LRIG2: variants seen among roughly 807,000 people sequenced by gnomAD.
LRIG2 encodes leucine-rich repeats and immunoglobulin-like domains protein 2.
In LRIG2, 93 loss-of-function variants were observed where a neutral mutation model predicts 107.8. The ratio of observed to expected loss-of-function variants is 0.86; its 90% CI spans 0.73 to 1.03. The LOEUF is 1.03. Ranked by LOEUF, LRIG2 falls within the 50% of genes least tolerant of loss-of-function variation. The pLI, the probability that LRIG2 is intolerant of heterozygous loss-of-function variation, is 0.00. For missense variants in LRIG2, 1,226 were observed against 1,296.0 expected (o/e 0.95, Z 0.83); for synonymous variants, 471 against 470.6 (o/e 1.00, Z -0.01).
intron 1 of LRIG2, among the ~76,000 whole-genome samples, chr1:113,082,856 A>T (rs934779509): frequency 6.6e-6 from 1 of 151,872 alleles, no homozygotes; most frequent in Non-Finnish European, 1.5e-5. Context: ...GGGTTTTGCC[A>T]TGTTGGCCAG....
chr1:113,099,081 C>T (rs1398056418), intron 9 of LRIG2, among the ~76,000 whole-genome samples: 4 of 151,906 alleles, frequency 2.6e-5, no homozygotes, highest in African/African-American at 7.3e-5. Flanking sequence ...GGATTACAAG[C>T]GCATGCCACC....
intron 1 of LRIG2, among the ~76,000 whole-genome samples, chr1:113,087,907 G>A (rs1653630022): frequency 6.6e-6 from 1 of 152,066 alleles, no homozygotes; most frequent in Non-Finnish European, 1.5e-5. Context: ...GTTGCTTTTG[G>A]AAAAAGAAAA....
Position 113,107,460 on chromosome 1 carries a change from A to G in LRIG2, c.1314-134A>G, listed in dbSNP as rs530206025. On this transcript the variant is annotated intron_variant, in intron 11 of 17. Coordinates refer to ENST00000361127, the MANE Select transcript of LRIG2 (RefSeq NM_014813.3). ...TAAAGAATTTTGGCTGACAGTCTCA[A>G]TTTGTTTTCTCATGATTTATGTTAA... 1.9e-5 allele frequency: 15 copies of G among 788,822 alleles called. No individual in the cohort carries two copies. In the East Asian group the frequency reaches 3.0e-4, roughly 16 times the overall value. 48.9% of individuals were successfully genotyped at this position (788,822 alleles called of 1,614,324 possible). A position where few individuals can be genotyped will look rare whatever the true frequency, so the allele number is the denominator to read the frequency against.
Position 113,073,357 on chromosome 1 carries a change from C to A in LRIG2, c.-50C>A, listed in dbSNP as rs373555867. The A allele has an allele frequency of 6.8e-6, 10 of 1,476,784 alleles. No homozygotes were observed. The highest frequency in any genetic ancestry group is 8.5e-6 in the Non-Finnish European group (9 of 1,063,150). 91.5% of individuals were successfully genotyped at this position (1,476,784 alleles called of 1,614,324 possible). ...TCTGCTGAGCTTCTCCGCCGATCCT[C>A]CTTTTCTAGCAGGCAGCTCTTCTAG... is the stretch of plus-strand genomic sequence containing the variant. On this transcript the variant is annotated 5_prime_UTR_variant, in exon 1 of 18. Coordinates refer to ENST00000361127, the MANE Select transcript of LRIG2 (RefSeq NM_014813.3).
intron 17 of LRIG2, among the ~76,000 whole-genome samples, chr1:113,123,290 T>G (rs1260261164): frequency 6.6e-6 from 1 of 152,182 alleles, no homozygotes; most frequent in Non-Finnish European, 1.5e-5. Flanking sequence ...TTAAAAATTT[T>G]GTGGCCGGGC....
chr1:113,114,755 G>T lies in LRIG2; in HGVS notation c.2409G>T (p.Trp803Cys), dbSNP rs1654931718. 6.2e-7 allele frequency: 1 copy of T among 1,614,034 alleles called. No homozygotes were observed. Among genetic ancestry groups the T allele is most frequent in the Non-Finnish European group, 8.5e-7 (1 of 1,180,046 alleles). The change falls in exon 15 of 18, where the codon TGG becomes TGT. Residue 803 changes from tryptophan (W) to cysteine (C), a missense_variant. Physicochemically the swap from Trp to Cys is radical, Grantham distance 215. Transcript: ENST00000361127. ...GCATTGGGCATGAAGATGATGGCTG[G>T]ACCACAGTTGGCATTGTCATCATTG... ...QSSIGHEDDGWTTVGIVIIVV... is the reference protein window; with the variant it reads ...QSSIGHEDDGCTTVGIVIIVV...
intron 1 of LRIG2, among the ~76,000 whole-genome samples, chr1:113,080,085 ATC>A (rs1477479151): frequency 6.8e-6 from 1 of 146,896 alleles, no homozygotes; most frequent in Non-Finnish European, 1.5e-5. Context: ...CAGTGGCACA[ATC>A]TCGGCTCACT....
At chr1:113,091,456 G>A (rs1653822873) in intron 2 of LRIG2, 73 bp downstream of exon 2, 1 of 939,244 alleles carries the variant, frequency 1.1e-6, no homozygotes, top group Non-Finnish European at 1.6e-6. Flanking sequence ...TTTGTGGGAT[G>A]TTTAATCCAG....
At chr1:113,098,092 C>G (rs1401021463) in intron 8 of LRIG2, among the ~76,000 whole-genome samples, 3 of 152,146 alleles carry the variant, frequency 2.0e-5, no homozygotes, top group Admixed American at 2.0e-4. Context: ...TGATGTGGTA[C>G]AATTGCATTT....
chr1:113,078,020 A>G (rs993640136), intron 1 of LRIG2, among the ~76,000 whole-genome samples: 5 of 151,664 alleles, frequency 3.3e-5, no homozygotes, highest in African/African-American at 1.2e-4. Flanking sequence ...TTTGCTGAGA[A>G]TGATGGTTTC....
rs1655462080 is a variant in LRIG2 at position 113,125,706 on chromosome 1, G to A, written c.*1605G>A. Reference sequence around the variant, plus strand: ...CATTCTGTGACTTTGCTCTTGCCATGTTCTGACTGGGGTGAGCCGCTAGGA... The same window carrying A: ...CATTCTGTGACTTTGCTCTTGCCATATTCTGACTGGGGTGAGCCGCTAGGA... On this transcript the variant is annotated 3_prime_UTR_variant, in exon 18 of 18. Coordinates refer to ENST00000361127, the MANE Select transcript of LRIG2 (RefSeq NM_014813.3). 6.6e-6 allele frequency: 1 copy of A among 152,220 alleles called. No homozygotes were observed. Among genetic ancestry groups the A allele is most frequent in the Admixed American group, 6.5e-5 (1 of 15,282 alleles). The allele number at this position is 152,220 out of a possible 1,614,324, so 9.4% of individuals were successfully genotyped here. A position where few individuals can be genotyped will look rare whatever the true frequency, so the allele number is the denominator to read the frequency against.
In LRIG2 at chr1:113,128,201, GT is replaced by G. The variant is rs1655562463; in HGVS notation, c.*4103del. Reference sequence around the variant, plus strand: ...CATGGGCAGCAGCACTTCTTGAGCTGTTTAGTACTGCCACACCTTTTTATGT... The same window carrying G: ...CATGGGCAGCAGCACTTCTTGAGCTGTTAGTACTGCCACACCTTTTTATGT... On this transcript the variant is annotated 3_prime_UTR_variant, in exon 18 of 18. Coordinates refer to ENST00000361127, the MANE Select transcript of LRIG2 (RefSeq NM_014813.3). The G allele has an allele frequency of 1.3e-5, 2 of 152,108 alleles. No homozygotes were observed. Among genetic ancestry groups the G allele is most frequent in the African/African-American group, 4.8e-5 (2 of 41,416 alleles). The allele number at this position is 152,108 out of a possible 1,614,324, so 9.4% of individuals were successfully genotyped here. A position where few individuals can be genotyped will look rare whatever the true frequency, so the allele number is the denominator to read the frequency against.
chr1:113,105,800 T>TA (rs1234429592), intron 11 of LRIG2, among the ~76,000 whole-genome samples: 3 of 152,222 alleles, frequency 2.0e-5, no homozygotes, highest in Non-Finnish European at 2.9e-5. Flanking sequence ...AACCAACTGT[T>TA]AGAGAAAAAA....
At chr1:113,086,606 C>A (rs1653565876) in intron 1 of LRIG2, among the ~76,000 whole-genome samples, 1 of 152,162 alleles carries the variant, frequency 6.6e-6, no homozygotes, top group Admixed American at 6.5e-5. Flanking sequence ...GACTTTGTTG[C>A]AATTAGCTTG....
intron 12 of LRIG2, among the ~76,000 whole-genome samples, chr1:113,109,588 G>T (rs919770149): frequency 1.4e-4 from 22 of 152,122 alleles, no homozygotes; most frequent in Admixed American, 3.3e-4. Flanking sequence ...CGTGATCTCG[G>T]CTCACTAGCC....
intron 1 of LRIG2, among the ~76,000 whole-genome samples, chr1:113,085,529 CCG>C (rs1281985791): frequency 6.6e-6 from 1 of 152,146 alleles, no homozygotes; most frequent in Non-Finnish European, 1.5e-5. Context: ...GGTGATCCGC[CCG>C]CCTTGGCTTC....
chr1:113,080,017 G>GT (rs1557895573), intron 1 of LRIG2, among the ~76,000 whole-genome samples: 1 of 83,428 alleles, frequency 1.2e-5, no homozygotes, highest in Non-Finnish European at 2.4e-5. Context: ...CGCCTGGCCC[G>GT]AATTTTTTTT....
At chr1:113,083,535 G>A (rs1239639808) in intron 1 of LRIG2, among the ~76,000 whole-genome samples, 3 of 150,776 alleles carry the variant, frequency 2.0e-5, no homozygotes, top group Non-Finnish European at 4.4e-5. Context: ...TAGTAGGGAC[G>A]GGGTTTCTCC....
At chr1:113,106,241 G>T (rs1186958664) in intron 11 of LRIG2, among the ~76,000 whole-genome samples, 4 of 150,860 alleles carry the variant, frequency 2.7e-5, no homozygotes, top group African/African-American at 7.3e-5. Context: ...AAAAAAAAAA[G>T]AGTTAAAATT....
Sources: allele counts gnomAD v4.1 joint callset (sites outside exome capture counted in the v4.1 genomes callset), GRCh38; gene constraint gnomAD v4.1.1; transcripts MANE v1.5; gene names NCBI Gene and HGNC (gene_info 2026-07-23, HGNC 2026-07-21).